ZNF532: variants seen among roughly 807,000 people sequenced by gnomAD.
ZNF532 encodes the protein zinc finger protein 532.
In ZNF532, 22 loss-of-function variants were observed where a neutral mutation model predicts 89.3. The observed-to-expected ratio is 0.25, with a 90% CI of 0.18 to 0.35. The LOEUF is 0.35. Ranked by LOEUF, ZNF532 falls within the 10% of genes least tolerant of loss-of-function variation. The probability of loss-of-function intolerance (pLI) is 1.00; values close to 1 mark genes in which losing one functional copy is unlikely to be tolerated. For missense variants in ZNF532, 1,132 were observed against 1,643.4 expected (o/e 0.69, Z 5.38); for synonymous variants, 606 against 649.6 (o/e 0.93, Z 1.02).
intron 2 of ZNF532, among the ~76,000 whole-genome samples, chr18:58,880,767 C>CGTGTGTGTGT (rs575708906): frequency 1.5e-5 from 2 of 130,844 alleles, no homozygotes; most frequent in African/African-American, 5.8e-5. Context: ...CGCGCACGCG[C>CGTGTGTGTGT]GCGCGTCTGT....
intron 2 of ZNF532, among the ~76,000 whole-genome samples, chr18:58,866,604 C>A (rs529732928): frequency 1.3e-5 from 2 of 152,144 alleles, no homozygotes; most frequent in African/African-American, 2.4e-5. Context: ...TCCCCTACTT[C>A]GAAGTGGGCA....
At chr18:58,891,205 C>T (rs1310637538) in intron 2 of ZNF532, among the ~76,000 whole-genome samples, 1 of 152,064 alleles carries the variant, frequency 6.6e-6, no homozygotes, top group African/African-American at 2.4e-5. Context: ...AGGCATGAGC[C>T]ACTGCGCCCG....
intron 6 of ZNF532, among the ~76,000 whole-genome samples, chr18:58,949,474 G>A (rs917844501): frequency 6.6e-6 from 1 of 152,090 alleles, no homozygotes; most frequent in Admixed American, 6.6e-5. Flanking sequence ...CAAGGTAGGC[G>A]GATCACTTGA....
At chr18:58,932,966 G>T (rs1346703704) in intron 3 of ZNF532, among the ~76,000 whole-genome samples, 1 of 152,030 alleles carries the variant, frequency 6.6e-6, no homozygotes, top group African/African-American at 2.4e-5. Context: ...TCCCAAGTAA[G>T]TGCAAGACAT....
intron 7 of ZNF532, among the ~76,000 whole-genome samples, chr18:58,970,719 A>G (rs540017937): frequency 6.6e-6 from 1 of 152,350 alleles, no homozygotes; most frequent in East Asian, 1.9e-4. Context: ...TATTGACCCA[A>G]GAGTCCCCTG....
chr18:58,878,418 G>A (rs1156956013), intron 2 of ZNF532, among the ~76,000 whole-genome samples: 1 of 152,244 alleles, frequency 6.6e-6, no homozygotes, highest in Non-Finnish European at 1.5e-5. Context: ...GATGGCAGGA[G>A]TCGGCAGTCC....
chr18:58,979,607 C>G (rs2067482588), intron 8 of ZNF532: 1 of 153,428 alleles, frequency 6.5e-6, no homozygotes. Context: ...AGGCTGGTCT[C>G]AAACTCCTGA....
chr18:58,911,043 C>G (rs1438351343), intron 2 of ZNF532, among the ~76,000 whole-genome samples: 1 of 152,162 alleles, frequency 6.6e-6, no homozygotes, highest in Non-Finnish European at 1.5e-5. Flanking sequence ...CACGCCCAGC[C>G]CTGCCTGGAT....
At chr18:58,876,155 C>T (rs1254387590) in intron 2 of ZNF532, among the ~76,000 whole-genome samples, 5 of 152,118 alleles carry the variant, frequency 3.3e-5, no homozygotes, top group South Asian at 4.2e-4. Context: ...AGGATGGTCT[C>T]GATCTCCTGA....
chr18:58,883,757 C>A lies in ZNF532; in HGVS notation c.-18+18178C>A, dbSNP rs1162808080. Among the ~76,000 whole-genome samples the A allele has an allele frequency of 3.3e-5, 5 of 152,072 alleles. No homozygotes were observed. The East Asian group carries it at 9.6e-4, about 29-fold the overall frequency. On this transcript the variant is annotated intron_variant, in intron 2 of 9. Transcript: ENST00000591808. Reference sequence around the variant, plus strand: ...TAGCAGCATCCTTGACCTCTACCCACTATATGCCAATAGCATGCCTCCTCC... The same window carrying A: ...TAGCAGCATCCTTGACCTCTACCCAATATATGCCAATAGCATGCCTCCTCC...
At chr18:58,962,190 C>T (rs540746823) in intron 7 of ZNF532, among the ~76,000 whole-genome samples, 5 of 151,598 alleles carry the variant, frequency 3.3e-5, no homozygotes, top group African/African-American at 1.2e-4. Context: ...TACGCCACTG[C>T]GCTCCAGCCT....
intron 2 of ZNF532, among the ~76,000 whole-genome samples, chr18:58,883,787 A>G (rs1311026523): frequency 6.6e-6 from 1 of 152,194 alleles, no homozygotes; most frequent in Non-Finnish European, 1.5e-5. Flanking sequence ...TCCTCCCCCA[A>G]GTTAGAACAA....
At position 58,920,246 on chromosome 18, in the gene ZNF532, C is replaced by A. The variant is rs190522065; in HGVS notation, c.1959C>A (p.Leu653=). 24 of 1,613,842 alleles carry A rather than the reference C, an allele frequency of 1.5e-5. No individual in the cohort carries two copies. Among genetic ancestry groups the A allele is most frequent in the Non-Finnish European group, 2.0e-5 (24 of 1,179,860 alleles). Residue 653 remains leucine, a synonymous_variant, in exon 3 of 10, where the codon CTC becomes CTA. Coordinates refer to ENST00000591808, the MANE Select transcript of ZNF532 (RefSeq NM_001375912.1). ...CGTGCAACCATTGTACAAAGAACCT[C>A]GTTTTTTACAACAAATGCAGCCTCC... is the stretch of plus-strand genomic sequence containing the variant. The part of the protein sequence containing the change: ...EVTCNHCTKN[L]VFYNKCSLLS...
chr18:58,953,920 C>A, intron 7 of ZNF532, 121 bp downstream of exon 7: 1 of 1,453,764 alleles, frequency 6.9e-7, no homozygotes, highest in Non-Finnish European at 9.1e-7. Context: ...CCTTAAAAAT[C>A]ACTTGGTGTC....
intron 2 of ZNF532, among the ~76,000 whole-genome samples, chr18:58,890,260 AT>A (rs1272660234): frequency 2.0e-5 from 3 of 151,640 alleles, no homozygotes; most frequent in African/African-American, 7.3e-5. Context: ...TTATATATAT[AT>A]ACACACACAT....
intron 2 of ZNF532, among the ~76,000 whole-genome samples, chr18:58,900,465 G>GTCGGGGGC (rs2059532153): frequency 1.3e-5 from 2 of 152,268 alleles, no homozygotes; most frequent in East Asian, 3.9e-4. Flanking sequence ...CTGATGAAGG[G>GTCGGGGGC]TCGGGGGCTC....
intron 2 of ZNF532, among the ~76,000 whole-genome samples, chr18:58,911,911 G>A (rs975899159): frequency 3.9e-5 from 6 of 152,170 alleles, no homozygotes; most frequent in African/African-American, 1.4e-4. Flanking sequence ...AGCTTTCTTA[G>A]AGAGCTGTGA....
chr18:58,962,746 C>T (rs12604305), intron 7 of ZNF532, among the ~76,000 whole-genome samples: 8,030 of 152,110 alleles, frequency 0.053, 851 homozygotes, highest in East Asian at 0.43. Context: ...GGACTACAGG[C>T]GCCCACCACC....
chr18:58,897,027 A>G (rs2059296187), intron 2 of ZNF532, among the ~76,000 whole-genome samples: 1 of 152,138 alleles, frequency 6.6e-6, no homozygotes, highest in Admixed American at 6.6e-5. Flanking sequence ...CTTAGGTTGT[A>G]AGCTTTTTTC....
Sources: allele counts gnomAD v4.1 joint callset (sites outside exome capture counted in the v4.1 genomes callset), GRCh38; gene constraint gnomAD v4.1.1; transcripts MANE v1.5; gene names NCBI Gene and HGNC (gene_info 2026-07-23, HGNC 2026-07-21).